EPHA6: variants seen among roughly 807,000 people sequenced by gnomAD.
EPHA6 encodes the protein EPH receptor A6.
EPHA6 carries 50 observed loss-of-function variants against 112.0 expected under a neutral mutation model. The ratio of observed to expected loss-of-function variants is 0.45; its 90% CI spans 0.36 to 0.56. The LOEUF is 0.56. Ranked by LOEUF, EPHA6 falls within the 20% of genes least tolerant of loss-of-function variation. The probability of loss-of-function intolerance (pLI) is 0.00; values close to 1 mark genes in which losing one functional copy is unlikely to be tolerated. For synonymous variants in EPHA6, 529 were observed against 490.7 expected (o/e 1.08, Z -1.03); for missense variants, 1,280 against 1,417.4 (o/e 0.90, Z 1.56).
intron 3 of EPHA6, among the ~76,000 whole-genome samples, chr3:97,043,445 A>G (rs1321211796): frequency 6.6e-6 from 1 of 152,204 alleles, no homozygotes; most frequent in East Asian, 1.9e-4. Flanking sequence ...CACTTCATGT[A>G]TCAGGAACCC....
rs1263275325 is a variant in EPHA6, at chr3:97,750,615, A to G, written c.*1914A>G. 2.6e-5 allele frequency among the ~76,000 whole-genome samples: 4 copies of G among 152,144 alleles called. No individual in the cohort carries two copies. Among genetic ancestry groups the G allele is most frequent in the Admixed American group, 6.5e-5 (1 of 15,282 alleles). On this transcript the variant is annotated 3_prime_UTR_variant, in exon 18 of 18. Coordinates refer to ENST00000389672, the MANE Select transcript of EPHA6 (RefSeq NM_001080448.3). The stretch of plus-strand genomic sequence containing the variant: ...GATGATCTGCCCGCCTCAGCCTCTC[A>G]AAGTGCTGAGATTACAGGCGTGAGC...
chr3:96,997,617 T>C (rs1421943684), intron 3 of EPHA6, among the ~76,000 whole-genome samples: 1 of 151,954 alleles, frequency 6.6e-6, no homozygotes, highest in Non-Finnish European at 1.5e-5. Context: ...GTGAGTATGG[T>C]TTATGGTACA....
chr3:97,064,358 A>G (rs1341444711), intron 3 of EPHA6, among the ~76,000 whole-genome samples: 1 of 152,168 alleles, frequency 6.6e-6, no homozygotes, highest in Non-Finnish European at 1.5e-5. Flanking sequence ...CCCTCACCCA[A>G]AAATCCTAGC....
intron 2 of EPHA6, among the ~76,000 whole-genome samples, chr3:96,885,259 G>A (rs1233285731): frequency 6.6e-6 from 1 of 151,998 alleles, no homozygotes; most frequent in Non-Finnish European, 1.5e-5. Context: ...AGGGAGGGTG[G>A]CTTCTTTCTC....
At chr3:97,459,315 C>T (rs1396955496) in intron 7 of EPHA6, among the ~76,000 whole-genome samples, 1 of 152,198 alleles carries the variant, frequency 6.6e-6, no homozygotes, top group Non-Finnish European at 1.5e-5. Context: ...ATTTTTCAGA[C>T]CTCCCACTAG....
intron 14 of EPHA6, chr3:97,646,245 A>G: frequency 6.5e-7 from 1 of 1,535,624 alleles, no homozygotes; most frequent in Non-Finnish European, 8.7e-7. Flanking sequence ...GAAGAGAAAC[A>G]GAAGGGCCAT....
intron 3 of EPHA6, among the ~76,000 whole-genome samples, chr3:97,204,159 C>T (rs1181238409): frequency 2.6e-5 from 4 of 151,924 alleles, no homozygotes; most frequent in Admixed American, 2.0e-4. Context: ...CAGTGTTTTA[C>T]TTAAGGAATA....
At chr3:96,934,077 T>A (rs1460392205) in intron 2 of EPHA6, among the ~76,000 whole-genome samples, 1 of 152,018 alleles carries the variant, frequency 6.6e-6, no homozygotes, top group Non-Finnish European at 1.5e-5. Flanking sequence ...AAATAAGCTA[T>A]TTGTTAATAG....
chr3:96,875,698 T>C (rs1221247149), intron 2 of EPHA6, among the ~76,000 whole-genome samples: 4 of 152,044 alleles, frequency 2.6e-5, no homozygotes. Context: ...GCCATGATGA[T>C]GTCTTTCTGT....
At chr3:96,860,318 T>A (rs540380405) in intron 1 of EPHA6, among the ~76,000 whole-genome samples, 9 of 152,080 alleles carry the variant, frequency 5.9e-5, no homozygotes, top group Non-Finnish European at 2.9e-5. Context: ...TTTCACAGAC[T>A]CAAAGTTATT....
chr3:97,457,872 C>T (rs1468647850), intron 7 of EPHA6, among the ~76,000 whole-genome samples: 2 of 151,530 alleles, frequency 1.3e-5, no homozygotes, highest in South Asian at 4.2e-4. Context: ...CGAGACCATC[C>T]TGGCTAACAT....
intron 14 of EPHA6, among the ~76,000 whole-genome samples, chr3:97,664,098 T>C (rs2094189239): frequency 6.6e-6 from 1 of 152,216 alleles, no homozygotes; most frequent in African/African-American, 2.4e-5. Flanking sequence ...ATGATGAGCA[T>C]TTTTTCATGT....
intron 2 of EPHA6, among the ~76,000 whole-genome samples, chr3:96,886,666 C>T: frequency 6.6e-6 from 1 of 152,108 alleles, no homozygotes; most frequent in African/African-American, 2.4e-5. Context: ...GCATTTAGGC[C>T]ATTTACATTC....
intron 11 of EPHA6, among the ~76,000 whole-genome samples, chr3:97,574,064 A>T (rs1203026147): frequency 6.6e-6 from 1 of 152,044 alleles, no homozygotes; most frequent in East Asian, 1.9e-4. Flanking sequence ...TGTAATGTGG[A>T]CCCAGTCACT....
chr3:97,353,110 G>A (rs760441735), intron 5 of EPHA6, among the ~76,000 whole-genome samples: 28 of 151,982 alleles, frequency 1.8e-4, no homozygotes, highest in Admixed American at 1.8e-3. Context: ...CCTGACTAAA[G>A]GGCCACTGGA....
At chr3:97,299,025 G>A (rs756627957) in intron 5 of EPHA6, among the ~76,000 whole-genome samples, 5 of 151,998 alleles carry the variant, frequency 3.3e-5, no homozygotes, top group African/African-American at 4.8e-5. Flanking sequence ...TATTTAATAT[G>A]CATTTTTAAA....
intron 3 of EPHA6, chr3:97,010,047 A>G: frequency 1.5e-6 from 2 of 1,296,080 alleles, no homozygotes; most frequent in Non-Finnish European, 2.0e-6. Flanking sequence ...TCTTGGCCCC[A>G]CCCCGAAACA....
chr3:97,704,663 T>C (rs530708101), intron 14 of EPHA6, among the ~76,000 whole-genome samples: 17 of 152,290 alleles, frequency 1.1e-4, no homozygotes, highest in African/African-American at 4.1e-4. Flanking sequence ...TGAATGTAAA[T>C]GGTGCTTCTA....
At chr3:97,527,674 G>C (rs916308252) in intron 10 of EPHA6, among the ~76,000 whole-genome samples, 1 of 151,962 alleles carries the variant, frequency 6.6e-6, no homozygotes, top group Admixed American at 6.6e-5. Flanking sequence ...CCACATAGGG[G>C]TTGCATTTGG....
Sources: allele counts gnomAD v4.1 joint callset (sites outside exome capture counted in the v4.1 genomes callset), GRCh38; gene constraint gnomAD v4.1.1; transcripts MANE v1.5; gene names NCBI Gene and HGNC (gene_info 2026-07-23, HGNC 2026-07-21).